The following EPHA5 variants were observed in gnomAD, a reference collection of about 807,000 sequenced individuals.
EPHA5 encodes ephrin type-A receptor 5.
Under a neutral mutation model 105.0 loss-of-function variants are expected in EPHA5, and 60 were observed. That is an observed-to-expected ratio of 0.57 (90% CI 0.46 to 0.71). EPHA5 has a LOEUF of 0.71. Among genes scored for constraint, EPHA5 ranks in the 30% least tolerant of loss-of-function variants. The pLI is 0.00. For synonymous variants in EPHA5, 513 were observed against 449.1 expected, an observed-to-expected ratio of 1.14 and a Z score of -1.80; for missense variants, 1,218 against 1,274.7, an observed-to-expected ratio of 0.96 and a Z score of 0.68.
intron 3 of EPHA5, among the ~76,000 whole-genome samples, chr4:65,528,187 T>C (rs1056720801): frequency 1.3e-5 from 2 of 152,012 alleles, no homozygotes; most frequent in African/African-American, 4.8e-5. Flanking sequence ...TTGCAAAATA[T>C]AATTATAAAA....
At chr4:65,496,822 G>T (rs1023979232) in intron 3 of EPHA5, among the ~76,000 whole-genome samples, 9 of 152,154 alleles carry the variant, frequency 5.9e-5, no homozygotes, top group African/African-American at 1.9e-4. Flanking sequence ...CGTTCAAAGA[G>T]TTCTATGAAA....
At chr4:65,330,970 C>G (rs1056482788) in intron 16 of EPHA5, 5 of 1,044,502 alleles carry the variant, frequency 4.8e-6, no homozygotes, top group Non-Finnish European at 5.8e-6. Flanking sequence ...ACCCTGTTAC[C>G]TTCTGTGGGG....
At chr4:65,405,190 T>A (rs1722243134) in intron 7 of EPHA5, among the ~76,000 whole-genome samples, 1 of 152,208 alleles carries the variant, frequency 6.6e-6, no homozygotes, top group African/African-American at 2.4e-5. Context: ...ATTCCCATTA[T>A]AAGAGGAATA....
chr4:65,632,863 A>C (rs774948918), intron 2 of EPHA5, among the ~76,000 whole-genome samples: 9 of 152,096 alleles, frequency 5.9e-5, no homozygotes, highest in South Asian at 2.1e-4. Flanking sequence ...TACCTTGAAA[A>C]AATGATTATC....
At chr4:65,563,999 A>C (rs1739279303) in intron 3 of EPHA5, among the ~76,000 whole-genome samples, 2 of 151,962 alleles carry the variant, frequency 1.3e-5, no homozygotes, top group Admixed American at 1.3e-4. Context: ...TTATCAAAGG[A>C]TTTGGTGCTA....
At chr4:65,597,358 C>T (rs749669602) in intron 3 of EPHA5, among the ~76,000 whole-genome samples, 2 of 151,946 alleles carry the variant, frequency 1.3e-5, no homozygotes, top group Non-Finnish European at 2.9e-5. Flanking sequence ...ACTCAGCAGG[C>T]AACATTTGAT....
chr4:65,505,678 C>T (rs764175652), intron 3 of EPHA5, among the ~76,000 whole-genome samples: 7 of 151,986 alleles, frequency 4.6e-5, no homozygotes, highest in Non-Finnish European at 8.8e-5. Context: ...GCAAATTTTT[C>T]AACATATTTT....
At chr4:65,367,473 G>A (rs753873103) in intron 8 of EPHA5, 49 bp from the exon 9 acceptor site, 2 of 1,542,350 alleles carry the variant, frequency 1.3e-6, no homozygotes, top group South Asian at 1.1e-5. Flanking sequence ...TGGTGAATCA[G>A]TCACATCAAG....
chr4:65,341,662 A>G (rs1301782352), intron 14 of EPHA5, among the ~76,000 whole-genome samples: 6 of 151,756 alleles, frequency 4.0e-5, no homozygotes, highest in Admixed American at 1.3e-4. Flanking sequence ...CTATTTTGGA[A>G]GATAGTGCAT....
At chr4:65,534,221 T>C (rs1736086871) in intron 3 of EPHA5, among the ~76,000 whole-genome samples, 1 of 152,126 alleles carries the variant, frequency 6.6e-6, no homozygotes, top group Admixed American at 6.5e-5. Flanking sequence ...AAATTGAAAA[T>C]TAAATTTTAT....
intron 8 of EPHA5, among the ~76,000 whole-genome samples, chr4:65,389,453 C>A (rs1319693848): frequency 6.6e-6 from 1 of 151,918 alleles, no homozygotes; most frequent in Non-Finnish European, 1.5e-5. Flanking sequence ...TGTAATATTT[C>A]TCCATATTTT....
chr4:65,464,100 A>G (rs752917952), intron 5 of EPHA5, among the ~76,000 whole-genome samples: 1 of 151,916 alleles, frequency 6.6e-6, no homozygotes, highest in Non-Finnish European at 1.5e-5. Flanking sequence ...AAGAACAAAA[A>G]ACTGTAGTAC....
intron 5 of EPHA5, among the ~76,000 whole-genome samples, chr4:65,452,087 A>G (rs1727121540): frequency 6.6e-6 from 1 of 152,190 alleles, no homozygotes; most frequent in South Asian, 2.1e-4. Context: ...TCAGAAGATC[A>G]GCAATAGAGA....
At chr4:65,653,814 T>C (rs1375808952) in intron 1 of EPHA5, among the ~76,000 whole-genome samples, 1 of 152,112 alleles carries the variant, frequency 6.6e-6, no homozygotes, top group Non-Finnish European at 1.5e-5. Context: ...GCAGACGTTG[T>C]TTTATGCTTA....
intron 3 of EPHA5, among the ~76,000 whole-genome samples, chr4:65,591,266 T>C (rs767562043): frequency 3.3e-5 from 5 of 152,098 alleles, no homozygotes; most frequent in Non-Finnish European, 7.4e-5. Flanking sequence ...TATATCTTCA[T>C]TTTTAGTACT....
intron 2 of EPHA5, among the ~76,000 whole-genome samples, chr4:65,638,826 C>G (rs1332090304): frequency 6.6e-6 from 1 of 152,090 alleles, no homozygotes; most frequent in African/African-American, 2.4e-5. Flanking sequence ...GGACAGGGAC[C>G]CTCCTCTTAC....
chr4:65,430,680 T>C (rs953532712), intron 5 of EPHA5, among the ~76,000 whole-genome samples: 1 of 152,116 alleles, frequency 6.6e-6, no homozygotes, highest in African/African-American at 2.4e-5. Flanking sequence ...CCACCAGGAA[T>C]TGGCAGACCT....
At chr4:65,643,541 T>G in intron 1 of EPHA5, 114 bp from the exon 2 acceptor site, 1 of 774,460 alleles carries the variant, frequency 1.3e-6, no homozygotes, top group Non-Finnish European at 2.2e-6. Flanking sequence ...AAATTAAGTG[T>G]TCATTATGAT....
chr4:65,378,211 G>A (rs1473244992), intron 8 of EPHA5, among the ~76,000 whole-genome samples: 1 of 151,160 alleles, frequency 6.6e-6, no homozygotes. Context: ...CTGAGGATTT[G>A]ACTGCTGTCA....
Sources: gnomAD v4.1 joint callset for allele counts (sites outside exome capture counted in the v4.1 genomes callset) on GRCh38, gnomAD v4.1.1 for gene constraint, MANE v1.5 for transcripts, NCBI Gene and HGNC (gene_info 2026-07-23, HGNC 2026-07-21) for gene names.